The following PARD3B variants were observed in gnomAD, a reference collection of about 807,000 sequenced individuals.
PARD3B encodes partitioning defective 3 homolog B.
A neutral mutation model predicts 130.2 loss-of-function variants in PARD3B; 103 were observed. The observed-to-expected ratio is 0.79, with a 90% CI of 0.67 to 0.93. PARD3B has a LOEUF of 0.93. Among genes scored for constraint, PARD3B ranks in the 40% least tolerant of loss-of-function variants. The pLI, the probability that PARD3B is intolerant of heterozygous loss-of-function variation, is 0.00. For synonymous variants in PARD3B, 583 were observed against 553.2 expected (o/e 1.05, Z -0.76); for missense variants, 1,609 against 1,499.2 (o/e 1.07, Z -1.21).
chr2:204,691,352 T>C (rs1159991783), intron 2 of PARD3B, among the ~76,000 whole-genome samples: 4 of 152,120 alleles, frequency 2.6e-5, no homozygotes, highest in Non-Finnish European at 5.9e-5. Flanking sequence ...TAAAGTAACA[T>C]GGAAAGATGC....
At chr2:204,986,505 C>A (rs2125227179) in intron 3 of PARD3B, among the ~76,000 whole-genome samples, 1 of 152,306 alleles carries the variant, frequency 6.6e-6, no homozygotes, top group Non-Finnish European at 1.5e-5. Flanking sequence ...ATCCATCAAA[C>A]TAAATGTAAA....
rs145712948 is a variant in PARD3B at position 204,895,335 on chromosome 2, T to A, written c.223-69817T>A. On this transcript the variant is annotated intron_variant, in intron 2 of 22. Transcript: ENST00000406610. The stretch of plus-strand genomic sequence containing the variant: ...TATGCAACTTTAAGAAAAGGATACT[T>A]ATCCTATTTTTATAACCATGAAATA... Among the ~76,000 whole-genome samples, 872 of 152,208 alleles carry A rather than the reference T, an allele frequency of 5.7e-3. 8 individuals carry two copies. Among genetic ancestry groups the A allele is most frequent in the Middle Eastern group, 0.041 (12 of 294 alleles).
At chr2:205,384,390 T>G (rs185582935) in intron 18 of PARD3B, among the ~76,000 whole-genome samples, 196 of 152,188 alleles carry the variant, frequency 1.3e-3, no homozygotes, top group Non-Finnish European at 2.2e-3. Context: ...ACATAGGAGA[T>G]AAAAAGCCTC....
At position 205,615,579 on chromosome 2, in the gene PARD3B, C is replaced by A. The variant is rs772873680; in HGVS notation, c.3384C>A (p.Arg1128=). The change falls in exon 23 of 23, where the codon CGC becomes CGA. Residue 1128 remains arginine (R), a synonymous_variant. Transcript: ENST00000406610. ...ACCCTCCCAAAGGGAGCTATCCCCGCCCCACAGAGCTCAGGGTGGCAGATC... is the reference window on the plus strand; with the variant it reads ...ACCCTCCCAAAGGGAGCTATCCCCGACCCACAGAGCTCAGGGTGGCAGATC... ...PMHPPKGSYP[R]PTELRVADLR... 1.2e-6 allele frequency: 2 copies of A among 1,614,006 alleles called. No homozygotes were observed. Among genetic ancestry groups the A allele is most frequent in the South Asian group, 1.1e-5 (1 of 91,088 alleles).
intron 3 of PARD3B, among the ~76,000 whole-genome samples, chr2:204,997,644 A>G (rs1342846875): frequency 6.6e-6 from 1 of 152,084 alleles, no homozygotes; most frequent in Non-Finnish European, 1.5e-5. Context: ...GGGGTTTTAC[A>G]CAATTATGTC....
intron 2 of PARD3B, among the ~76,000 whole-genome samples, chr2:204,745,963 A>ATATAGCAG (rs2040205943): frequency 6.6e-6 from 1 of 150,972 alleles, no homozygotes; most frequent in Admixed American, 6.6e-5. Context: ...AAAACATGTA[A>ATATAGCAG]TATAGCAGGA....
chr2:205,283,380 G>T (rs1021057174), intron 16 of PARD3B, among the ~76,000 whole-genome samples: 1 of 152,136 alleles, frequency 6.6e-6, no homozygotes, highest in African/African-American at 2.4e-5. Flanking sequence ...AATCTCCTGG[G>T]CTCAAGGGTT....
At chr2:204,720,638 T>TG (rs770525826) in intron 2 of PARD3B, among the ~76,000 whole-genome samples, 22 of 152,118 alleles carry the variant, frequency 1.4e-4, no homozygotes, top group Admixed American at 5.9e-4. Flanking sequence ...AAGTTAAACT[T>TG]GAAAAAAACA....
At chr2:205,235,033 A>T (rs1444572642) in intron 15 of PARD3B, among the ~76,000 whole-genome samples, 1 of 152,212 alleles carries the variant, frequency 6.6e-6, no homozygotes, top group Non-Finnish European at 1.5e-5. Context: ...GGATAAGAAA[A>T]ATTGTGAGAT....
chr2:204,818,562 A>C (rs1354000968), intron 2 of PARD3B, among the ~76,000 whole-genome samples: 1 of 152,176 alleles, frequency 6.6e-6, no homozygotes, highest in East Asian at 1.9e-4. Context: ...TGTGTCTCAA[A>C]ATGTTATCAT....
At position 204,967,041 on chromosome 2, in the gene PARD3B, T is replaced by G. The variant is rs966432892; in HGVS notation, c.394+1718T>G. Among the ~76,000 whole-genome samples, 3 of 152,190 alleles carry G rather than the reference T, an allele frequency of 2.0e-5. No individual in the cohort carries two copies. The highest frequency in any genetic ancestry group is 7.2e-5 in the African/African-American group (3 of 41,418). On this transcript the variant is annotated intron_variant, in intron 3 of 22. Transcript: ENST00000406610. The surrounding 1 kb of genome is among the most constrained non-coding windows in gnomAD (Gnocchi z 4.4). ...GCTGGCTGTGGTGTGAGAAACCATT[T>G]TGCTGTGCTGCCTCTGACATGCAAT...
In PARD3B at chr2:205,187,609, C is replaced by T. The variant is rs1382885286; in HGVS notation, c.2024+1746C>T. Among the ~76,000 whole-genome samples, 1 of 152,154 alleles carries T rather than the reference C, an allele frequency of 6.6e-6. No homozygotes were observed. ...AGGGAGAGAGGTGGTTCAGAGATCA[C>T]CTGGGATTTAGCAACTGTCTTTTTG... On this transcript the variant is annotated intron_variant, in intron 14 of 22. Transcript: ENST00000406610. This position sits in a 1 kb window ranked among gnomAD's most constrained non-coding sequence, Gnocchi z 4.9.
chr2:205,307,673 A>G (rs1003365425), intron 18 of PARD3B, among the ~76,000 whole-genome samples: 1 of 152,168 alleles, frequency 6.6e-6, no homozygotes, highest in Non-Finnish European at 1.5e-5. Flanking sequence ...TCCTTTGACA[A>G]AGAAAATTTT....
chr2:205,005,693 A>G (rs1288221372), intron 3 of PARD3B, among the ~76,000 whole-genome samples: 1 of 152,334 alleles, frequency 6.6e-6, no homozygotes, highest in Middle Eastern at 3.4e-3. Flanking sequence ...TACAAAGTAT[A>G]AAAAAGCAGA....
At chr2:204,916,499 A>G in intron 2 of PARD3B, among the ~76,000 whole-genome samples, 1 of 152,326 alleles carries the variant, frequency 6.6e-6, no homozygotes, top group Non-Finnish European at 1.5e-5. Context: ...ATATGGTAGC[A>G]TATTGAATTT....
intron 2 of PARD3B, among the ~76,000 whole-genome samples, chr2:204,823,257 T>C (rs995407343): frequency 1.3e-5 from 2 of 150,262 alleles, no homozygotes; most frequent in African/African-American, 2.4e-5. Flanking sequence ...CTGCCACTTA[T>C]TATTTTATTG....
At chr2:205,249,831 A>T (rs2039762207) in intron 16 of PARD3B, among the ~76,000 whole-genome samples, 1 of 152,106 alleles carries the variant, frequency 6.6e-6, no homozygotes, top group South Asian at 2.1e-4. Flanking sequence ...TTCCTTGAAG[A>T]AAAATCACAA....
At chr2:204,930,024 A>T (rs1329231556) in intron 2 of PARD3B, among the ~76,000 whole-genome samples, 1 of 151,916 alleles carries the variant, frequency 6.6e-6, no homozygotes, top group African/African-American at 2.4e-5. Flanking sequence ...CAACTATTTT[A>T]TTATTTTTTT....
rs545262099 is a variant in PARD3B at position 205,332,995 on chromosome 2, A to G, written c.2630+31294A>G. 2.4e-4 allele frequency among the ~76,000 whole-genome samples: 36 copies of G among 152,348 alleles called. No homozygotes were observed. In the South Asian group the frequency reaches 7.5e-3, roughly 32 times the overall value. On this transcript the variant is annotated intron_variant, in intron 18 of 22. Coordinates refer to ENST00000406610, the MANE Select transcript of PARD3B (RefSeq NM_001302769.2). ...TATTTTTATTTAAAAGATTTAATTT[A>G]ATGAGTAGTAAACAGATTAATAGAA...
Sources: allele counts gnomAD v4.1 joint callset (sites outside exome capture counted in the v4.1 genomes callset), GRCh38; gene constraint gnomAD v4.1.1; non-coding constraint Gnocchi (gnomAD v3.1); transcripts MANE v1.5; gene names NCBI Gene and HGNC (gene_info 2026-07-23, HGNC 2026-07-21).